The following KCNQ4 variants were observed in gnomAD, a reference collection of about 807,000 sequenced individuals.
KCNQ4 encodes potassium voltage-gated channel subfamily Q member 4.
Under a neutral mutation model 72.6 loss-of-function variants are expected in KCNQ4, and 31 were observed. That is an observed-to-expected ratio of 0.43 (90% CI 0.32 to 0.58). The LOEUF (loss-of-function observed/expected upper bound fraction) is 0.58, where lower values mean the gene tolerates loss of function less well. Ranked by LOEUF, KCNQ4 falls within the 20% of genes least tolerant of loss-of-function variation. KCNQ4 has a pLI of 0.08. For synonymous variants in KCNQ4, 405 were observed against 403.7 expected (o/e 1.00, Z -0.04); for missense variants, 869 against 962.6 (o/e 0.90, Z 1.29).
chr1:40,822,606 C>T (rs1438096497), intron 8 of KCNQ4, among the ~76,000 whole-genome samples: 3 of 152,174 alleles, frequency 2.0e-5, no homozygotes, highest in African/African-American at 7.2e-5. Context: ...GAGGTGGATA[C>T]TGGACATAGG....
chr1:40,802,880 G>A (rs554075597), intron 1 of KCNQ4, among the ~76,000 whole-genome samples: 27 of 152,350 alleles, frequency 1.8e-4, no homozygotes, highest in African/African-American at 6.5e-4. Context: ...GAGAGGGACA[G>A]TTAACTTGCT....
At chr1:40,837,329 T>G (rs776953221) in intron 12 of KCNQ4, among the ~76,000 whole-genome samples, 13 of 152,234 alleles carry the variant, frequency 8.5e-5, no homozygotes, top group Non-Finnish European at 1.6e-4. Context: ...TGGGCTCAAG[T>G]GATACCTCCC....
At chr1:40,796,534 T>C (rs76635381) in intron 1 of KCNQ4, among the ~76,000 whole-genome samples, 2,793 of 152,280 alleles carry the variant, frequency 0.018, 100 homozygotes, top group African/African-American at 0.064. Context: ...TCTAGCTCTA[T>C]AGGCTGTGAT....
intron 1 of KCNQ4, among the ~76,000 whole-genome samples, chr1:40,814,046 C>T (rs1315108936): frequency 3.8e-5 from 2 of 52,698 alleles, no homozygotes; most frequent in Non-Finnish European, 6.6e-5. Flanking sequence ...TGCGCCCGGC[C>T]TTTTTTTTTT....
intron 8 of KCNQ4, 22 bp from the exon 9 acceptor site, chr1:40,824,075 C>T: frequency 2.6e-6 from 4 of 1,549,848 alleles, no homozygotes; most frequent in Non-Finnish European, 2.6e-6. Flanking sequence ...CTGCCTGCCA[C>T]TGATGGTGCC....
chr1:40,822,232 C>T (rs1436997821), intron 7 of KCNQ4, 82 bp from the exon 8 acceptor site: 2 of 1,184,352 alleles, frequency 1.7e-6, no homozygotes, highest in Admixed American at 1.7e-5. Context: ...GGACCAAGGA[C>T]TGGGTTCTTT....
rs1270658268 is a variant in KCNQ4 at position 40,833,160 on chromosome 1, C to G, written c.1613+47C>G. On this transcript the variant is annotated intron_variant, in intron 11 of 13. Transcript: ENST00000347132. ...AGCACCCCCCTCCGTGTGCCACCCACTGCTGCTCCCCATCTGGGCGGGTGG... is the reference window on the plus strand; with the variant it reads ...AGCACCCCCCTCCGTGTGCCACCCAGTGCTGCTCCCCATCTGGGCGGGTGG... 4 of 1,393,602 alleles carry G rather than the reference C, an allele frequency of 2.9e-6. No individual in the cohort carries two copies. The Admixed American group carries it at 6.9e-5, about 24-fold the overall frequency. 86.3% of individuals were successfully genotyped at this position (1,393,602 alleles called of 1,614,324 possible).
At chr1:40,813,778 C>T (rs1647999156) in intron 1 of KCNQ4, among the ~76,000 whole-genome samples, 2 of 151,938 alleles carry the variant, frequency 1.3e-5, no homozygotes, top group Non-Finnish European at 2.9e-5. Flanking sequence ...GACGGAGTCT[C>T]ACTCTGTCGC....
intron 1 of KCNQ4, among the ~76,000 whole-genome samples, chr1:40,790,899 TGTGA>T (rs1319148042): frequency 6.6e-6 from 1 of 151,928 alleles, no homozygotes; most frequent in African/African-American, 2.4e-5. Context: ...TGTGTGTAGC[TGTGA>T]GTGTGTCTGT....
In KCNQ4 at chr1:40,838,901, T is replaced by C; in HGVS notation, c.*378T>C. 2.8e-6 allele frequency: 1 copy of C among 355,978 alleles called. No homozygotes were observed. 22.1% of individuals were successfully genotyped at this position (355,978 alleles called of 1,614,324 possible). ...CAGCTTCCAGCTATGCAAGGTGAGG[T>C]CTCTGGCCCACCCTTCGGACACAGC... On this transcript the variant is annotated 3_prime_UTR_variant, in exon 14 of 14. Coordinates refer to ENST00000347132, the MANE Select transcript of KCNQ4 (RefSeq NM_004700.4).
chr1:40,784,812 G>A lies in KCNQ4; in HGVS notation c.314+405G>A, dbSNP rs1199447917. On this transcript the variant is annotated intron_variant, in intron 1 of 13. Coordinates refer to ENST00000347132, the MANE Select transcript of KCNQ4 (RefSeq NM_004700.4). This position sits in a 1 kb window ranked among gnomAD's most constrained non-coding sequence, Gnocchi z 4.1. ...GTCCCAGACACAAAGAGGAACCCTT[G>A]GCTCCCACACGCTTCTGTCACCTGC... Among the ~76,000 whole-genome samples the A allele has an allele frequency of 6.6e-6, 1 of 152,044 alleles. No individual in the cohort carries two copies. Among genetic ancestry groups the A allele is most frequent in the East Asian group, 1.9e-4 (1 of 5,160 alleles).
chr1:40,809,695 T>C (rs944883794), intron 1 of KCNQ4, among the ~76,000 whole-genome samples: 2 of 152,172 alleles, frequency 1.3e-5, no homozygotes, highest in Non-Finnish European at 2.9e-5. Flanking sequence ...CTGAGTCTTA[T>C]CTCCTTTGAT....
chr1:40,799,436 C>CG (rs1056385789), intron 1 of KCNQ4, among the ~76,000 whole-genome samples: 15 of 151,830 alleles, frequency 9.9e-5, no homozygotes, highest in African/African-American at 3.4e-4. Context: ...GGCCATGCCC[C>CG]CCCCCTCGCT....
At chr1:40,797,587 C>T (rs1321753797) in intron 1 of KCNQ4, among the ~76,000 whole-genome samples, 7 of 152,200 alleles carry the variant, frequency 4.6e-5, no homozygotes, top group African/African-American at 1.7e-4. Context: ...ATGGCAGATT[C>T]GTGTTTTAGA....
In KCNQ4 at chr1:40,818,548, T is replaced by A. The variant is rs1333142243; in HGVS notation, c.576T>A (p.Gly192=). The change falls in exon 4 of 14, where the codon GGT becomes GGA. Residue 192 remains glycine, a synonymous_variant. Coordinates refer to ENST00000347132, the MANE Select transcript of KCNQ4 (RefSeq NM_004700.4). ...FVASVAVIAA[G]TQGNIFATSA... Reference sequence around the variant, plus strand: ...CCTCGGTGGCCGTCATCGCCGCGGGTACCCAGGGCAACATCTTCGCCACGT... The same window carrying A: ...CCTCGGTGGCCGTCATCGCCGCGGGAACCCAGGGCAACATCTTCGCCACGT... 5.0e-6 allele frequency: 8 copies of A among 1,602,890 alleles called. No homozygotes were observed. The East Asian group carries it at 1.8e-4, about 36-fold the overall frequency.
In KCNQ4 at chr1:40,783,990, C is replaced by G. The variant is rs1647179038; in HGVS notation, c.-104C>G. 6.8e-6 allele frequency: 1 copy of G among 147,418 alleles called. No individual in the cohort carries two copies. Among genetic ancestry groups the G allele is most frequent in the African/African-American group, 2.5e-5 (1 of 40,630 alleles). 9.1% of individuals were successfully genotyped at this position (147,418 alleles called of 1,614,324 possible). On this transcript the variant is annotated 5_prime_UTR_variant, in exon 1 of 14. Transcript: ENST00000347132. This position sits in a 1 kb window ranked among gnomAD's most constrained non-coding sequence, Gnocchi z 4.4. ...CCCGCCGCCCGCGCCCGCCCCGGGT[C>G]GCCCCTCTGGCCCCGGGTCCGAGCC...
At chr1:40,785,571 C>A (rs1384123498) in intron 1 of KCNQ4, among the ~76,000 whole-genome samples, 1 of 152,120 alleles carries the variant, frequency 6.6e-6, no homozygotes, top group Non-Finnish European at 1.5e-5. Context: ...CCAGTCTGCT[C>A]ACCCTTCCAC....
At chr1:40,818,114 G>A (rs748748123) in intron 2 of KCNQ4, 50 bp from the exon 3 acceptor site, 5 of 1,613,106 alleles carry the variant, frequency 3.1e-6, no homozygotes, top group Middle Eastern at 1.6e-4. Flanking sequence ...TGTGACCTGG[G>A]CCCCAGTTCT....
chr1:40,834,123 C>T (rs1039662475), intron 11 of KCNQ4, among the ~76,000 whole-genome samples: 2 of 151,888 alleles, frequency 1.3e-5, no homozygotes, highest in Non-Finnish European at 2.9e-5. Flanking sequence ...CTCCATGTGC[C>T]CAGTGTCAAG....
Sources: gnomAD v4.1 joint callset for allele counts (sites outside exome capture counted in the v4.1 genomes callset) on GRCh38, gnomAD v4.1.1 for gene constraint, Gnocchi (gnomAD v3.1) non-coding constraint, MANE v1.5 for transcripts, NCBI Gene and HGNC (gene_info 2026-07-23, HGNC 2026-07-21) for gene names.